Variants in TAB2 observed in about 807,000 individuals in gnomAD.
TAB2 encodes TGF-beta activated kinase 1 (MAP3K7) binding protein 2, also known as TGF-beta-activated kinase 1 and MAP3K7-binding protein 2.
TAB2 carries 3 observed loss-of-function variants against 65.0 expected under a neutral mutation model. The ratio of observed to expected loss-of-function variants is 0.05; its 90% CI spans 0.02 to 0.12. The LOEUF is 0.12. TAB2 is among the 10% of genes least tolerant of loss of function. The pLI is 1.00. For missense variants in TAB2, 623 were observed against 840.3 expected (o/e 0.74, Z 3.20); for synonymous variants, 298 against 285.1 (o/e 1.05, Z -0.46).
chr6:149,356,839 T>C (rs1486127741), intron 1 of TAB2, among the ~76,000 whole-genome samples: 2 of 152,228 alleles, frequency 1.3e-5, no homozygotes, highest in South Asian at 4.1e-4. Context: ...ATTTTGTTTT[T>C]GTTTGGTTTG....
At chr6:149,343,991 T>C (rs1451027488) in intron 1 of TAB2, among the ~76,000 whole-genome samples, 3 of 152,252 alleles carry the variant, frequency 2.0e-5, no homozygotes, top group East Asian at 3.8e-4. Context: ...TATTCTAGCA[T>C]GTGCTTAACT....
chr6:149,371,053 G>C (rs919584053), intron 2 of TAB2, among the ~76,000 whole-genome samples: 2 of 100,192 alleles, frequency 2.0e-5, no homozygotes, highest in South Asian at 4.6e-4. Flanking sequence ...GAAACAGAGA[G>C]AGACCCTATC....
upstream of TAB2, among the ~76,000 whole-genome samples, chr6:149,314,655 A>G (rs114994711): frequency 0.027 from 4,148 of 152,258 alleles, 210 homozygotes; most frequent in African/African-American, 0.095. Flanking sequence ...CTATTTATAT[A>G]GTGCAGTCTG....
chr6:149,331,269 C>T (rs967648196), intron 1 of TAB2, among the ~76,000 whole-genome samples: 1 of 151,704 alleles, frequency 6.6e-6, no homozygotes, highest in Admixed American at 6.6e-5. Flanking sequence ...ATAAAAATCC[C>T]GTGCATGTTT....
chr6:149,398,687 T>G (rs1583159150), intron 5 of TAB2, among the ~76,000 whole-genome samples: 1 of 152,202 alleles, frequency 6.6e-6, no homozygotes, highest in Non-Finnish European at 1.5e-5. Flanking sequence ...GTGTAAAATT[T>G]TAACCATTCT....
chr6:149,360,131 G>C (rs1367175357), intron 1 of TAB2, among the ~76,000 whole-genome samples: 1 of 151,960 alleles, frequency 6.6e-6, no homozygotes, highest in Non-Finnish European at 1.5e-5. Flanking sequence ...TTGGTATATA[G>C]GTATTTTGTT....
Position 149,239,916 on chromosome 6 carries a change from C to A in TAB2, c.-121+21140C>A, listed in dbSNP as rs112139105. Among the ~76,000 whole-genome samples the A allele has an allele frequency of 2.0e-3, 305 of 152,254 alleles. 1 individual carries two copies. The highest frequency in any genetic ancestry group is 0.014 in the Middle Eastern group (4 of 294). On this transcript the variant is annotated intron_variant, in intron 1 of 1. Coordinates refer to the TAB2 transcript ENST00000606202. ...TTAGTCAAGCTTTTCTGCACAGGAC[C>A]AAGGCCAGTCTATTCAAATTCTCAG...
chr6:149,408,965 T>C (rs1482200553), intron 6 of TAB2, among the ~76,000 whole-genome samples: 1 of 152,214 alleles, frequency 6.6e-6, no homozygotes, highest in Non-Finnish European at 1.5e-5. Context: ...CAACTCTCAA[T>C]TCTAGTGTTC....
chr6:149,304,999 A>G (rs991641839), intron 1 of TAB2, among the ~76,000 whole-genome samples: 12 of 152,312 alleles, frequency 7.9e-5, no homozygotes, highest in African/African-American at 2.9e-4. Flanking sequence ...TACCAAATAC[A>G]ACGTAAATGC....
intron 1 of TAB2, among the ~76,000 whole-genome samples, chr6:149,334,285 C>G (rs969294904): frequency 2.0e-5 from 3 of 152,152 alleles, no homozygotes; most frequent in African/African-American, 7.2e-5. Context: ...CTGAAACTCA[C>G]TACAGCGTAT....
At chr6:149,296,904 A>G (rs1345244708) in intron 1 of TAB2, among the ~76,000 whole-genome samples, 1 of 152,156 alleles carries the variant, frequency 6.6e-6, no homozygotes. Flanking sequence ...CATTGTTATA[A>G]TATCTTCTAT....
At position 149,250,305 on chromosome 6, in the gene TAB2, CTT is replaced by C. The variant is rs10717615; in HGVS notation, c.-121+31540_-121+31541del. Among the ~76,000 whole-genome samples, 1,049 of 148,668 alleles carry C rather than the reference CTT, an allele frequency of 7.1e-3. 10 individuals are homozygous for C. Among genetic ancestry groups the C allele is most frequent in the African/African-American group, 0.024 (973 of 40,692 alleles). On this transcript the variant is annotated intron_variant, in intron 1 of 1. Coordinates refer to the TAB2 transcript ENST00000606202. ...GTGTAGACAGTGAGAATTCACCAAACTTTTTTTTTTTTCTTTTGAGAAGGAGT... is the reference window on the plus strand; with the variant it reads ...GTGTAGACAGTGAGAATTCACCAAACTTTTTTTTTTCTTTTGAGAAGGAGT...
At chr6:149,358,674 T>TGTGTGTGTGTGTGTGTGTGTGTGTG (rs1238771619) in intron 1 of TAB2, among the ~76,000 whole-genome samples, 1 of 13,306 alleles carries the variant, frequency 7.5e-5, no homozygotes, top group Non-Finnish European at 2.6e-4. Context: ...GTGTGTGTGT[T>TGTGTGTGTGTGTGTGTGTGTGTGTG]TTCAGTATAT....
At chr6:149,382,773 A>G (rs1781657399) in intron 3 of TAB2, among the ~76,000 whole-genome samples, 1 of 152,144 alleles carries the variant, frequency 6.6e-6, no homozygotes, top group Non-Finnish European at 1.5e-5. Context: ...ATGTGCCTCA[A>G]TTTGAGAGGG....
chr6:149,408,344 T>G (rs1296578602), intron 6 of TAB2, among the ~76,000 whole-genome samples: 1 of 152,148 alleles, frequency 6.6e-6, no homozygotes, highest in Non-Finnish European at 1.5e-5. Flanking sequence ...TGGCAAAAAT[T>G]GTGACAATGG....
At chr6:149,318,379 C>T (rs1041406178) in intron 1 of TAB2, among the ~76,000 whole-genome samples, 27 of 152,068 alleles carry the variant, frequency 1.8e-4, no homozygotes, top group East Asian at 9.8e-4. Flanking sequence ...GCGCCCCTGA[C>T]CCGCCCCCAG....
chr6:149,305,242 G>A lies in TAB2; in HGVS notation c.-120-72776G>A, dbSNP rs568305279. Among the ~76,000 whole-genome samples, 8 of 152,240 alleles carry A rather than the reference G, an allele frequency of 5.3e-5. No individual in the cohort carries two copies. In the South Asian group the frequency reaches 6.2e-4, roughly 12 times the overall value. On this transcript the variant is annotated intron_variant, in intron 1 of 1. Coordinates refer to the TAB2 transcript ENST00000606202. ...GGATAGAATGTCTTTCTTCCTGTTC[G>A]TATGCCTGCCTGATATATTGATTAT...
chr6:149,275,271 AG>A (rs1420268045), intron 1 of TAB2, among the ~76,000 whole-genome samples: 1 of 150,556 alleles, frequency 6.6e-6, no homozygotes, highest in Non-Finnish European at 1.5e-5. Flanking sequence ...AAAGAAAGAA[AG>A]AAAGAAAGAA....
At chr6:149,382,266 AT>A (rs1436710495) in intron 3 of TAB2, among the ~76,000 whole-genome samples, 2 of 152,212 alleles carry the variant, frequency 1.3e-5, no homozygotes, top group Non-Finnish European at 2.9e-5. Context: ...GAACAGATAG[AT>A]TAAGTAACTT....
Sources: allele counts gnomAD v4.1 joint callset (sites outside exome capture counted in the v4.1 genomes callset), GRCh38; gene constraint gnomAD v4.1.1; transcripts MANE v1.5; gene names NCBI Gene and HGNC (gene_info 2026-07-23, HGNC 2026-07-21).